Variants in RNF150 observed in about 807,000 individuals in gnomAD.
The protein encoded by RNF150 is ring finger protein 150.
In RNF150, 24 loss-of-function variants were observed where a neutral mutation model predicts 39.3. The observed-to-expected ratio is 0.61, with a 90% CI of 0.44 to 0.86. RNF150 has a LOEUF of 0.86. Ranked by LOEUF, RNF150 falls within the 40% of genes least tolerant of loss-of-function variation. The pLI, the probability that RNF150 is intolerant of heterozygous loss-of-function variation, is 0.00. For synonymous variants in RNF150, 255 were observed against 227.3 expected (o/e 1.12, Z -1.10); for missense variants, 502 against 587.8 (o/e 0.85, Z 1.51).
intron 2 of RNF150, among the ~76,000 whole-genome samples, chr4:140,951,944 AC>A (rs1732557123): frequency 6.6e-6 from 1 of 152,190 alleles, no homozygotes; most frequent in Admixed American, 6.5e-5. Flanking sequence ...TTGAAGACTA[AC>A]CAGAGTAATT....
Position 141,081,202 on chromosome 4 carries a change from AT to A in RNF150, c.484+51122del, listed in dbSNP as rs528785271. 6.6e-3 allele frequency among the ~76,000 whole-genome samples: 1,011 copies of A among 152,350 alleles called. 5 individuals carry two copies. The highest frequency in any genetic ancestry group is 0.012 in the Non-Finnish European group (787 of 68,038). ...TATTTTACAAAAAACCCTATCAGTCATTGAAATAAATGGCCTTTAGATGTTA... is the reference window on the plus strand; with the variant it reads ...TATTTTACAAAAAACCCTATCAGTCATGAAATAAATGGCCTTTAGATGTTA... On this transcript the variant is annotated intron_variant, in intron 1 of 6. Coordinates refer to ENST00000515673, the MANE Select transcript of RNF150 (RefSeq NM_020724.2).
intron 1 of RNF150, among the ~76,000 whole-genome samples, chr4:141,188,212 A>T (rs1316787379): frequency 1.3e-5 from 2 of 152,158 alleles, no homozygotes; most frequent in Non-Finnish European, 2.9e-5. Context: ...CTCCAGAGAG[A>T]TCTGCTGTGA....
intron 1 of RNF150, among the ~76,000 whole-genome samples, chr4:141,207,853 C>T (rs532880094): frequency 3.9e-5 from 6 of 152,238 alleles, no homozygotes; most frequent in South Asian, 2.1e-4. Context: ...CTTTTCTCAA[C>T]GTTTTACTTT....
chr4:141,188,526 C>A (rs917395613), intron 1 of RNF150, among the ~76,000 whole-genome samples: 2 of 152,192 alleles, frequency 1.3e-5, no homozygotes, highest in African/African-American at 2.4e-5. Flanking sequence ...TCCCATATTT[C>A]TTGGAGGCTT....
At chr4:141,016,148 T>A (rs977730360) in intron 1 of RNF150, among the ~76,000 whole-genome samples, 1 of 152,142 alleles carries the variant, frequency 6.6e-6, no homozygotes, top group Non-Finnish European at 1.5e-5. Flanking sequence ...ACTGCGTCCG[T>A]CCCTGACAAT....
chr4:140,901,693 T>G (rs1730192411), intron 6 of RNF150, among the ~76,000 whole-genome samples: 2 of 152,214 alleles, frequency 1.3e-5, no homozygotes, highest in South Asian at 4.1e-4. Context: ...TCCAAGCCTT[T>G]GAGGATCTAT....
intron 1 of RNF150, among the ~76,000 whole-genome samples, chr4:141,104,769 A>G (rs1037818896): frequency 7.9e-5 from 12 of 152,234 alleles, no homozygotes; most frequent in African/African-American, 2.9e-4. Flanking sequence ...CATTCAAAAC[A>G]TGAAGATTCT....
intron 1 of RNF150, among the ~76,000 whole-genome samples, chr4:141,098,029 T>C (rs1738865872): frequency 6.6e-6 from 1 of 152,278 alleles, no homozygotes; most frequent in Non-Finnish European, 1.5e-5. Flanking sequence ...GGAGGAATCA[T>C]ACACATATAA....
chr4:140,935,069 A>T (rs1357663742), intron 4 of RNF150, among the ~76,000 whole-genome samples: 4 of 73,660 alleles, frequency 5.4e-5, no homozygotes, highest in African/African-American at 3.0e-4. Context: ...TATATATATA[A>T]TATATATATA....
intron 5 of RNF150, among the ~76,000 whole-genome samples, chr4:140,921,004 A>C (rs970711012): frequency 1.9e-4 from 29 of 151,690 alleles, no homozygotes; most frequent in African/African-American, 7.0e-4. Flanking sequence ...ACATGGACAC[A>C]GGAAGGGGAA....
chr4:141,210,738 A>G (rs1255005861), intron 1 of RNF150, among the ~76,000 whole-genome samples: 2 of 151,854 alleles, frequency 1.3e-5, no homozygotes, highest in Non-Finnish European at 2.9e-5. Context: ...TTCCTACTTA[A>G]TATCAATTTT....
intron 1 of RNF150, among the ~76,000 whole-genome samples, chr4:141,053,959 TC>T (rs1736875590): frequency 6.6e-6 from 1 of 152,130 alleles, no homozygotes; most frequent in African/African-American, 2.4e-5. Context: ...ATACTTTTTT[TC>T]TTCACTCCTT....
intron 1 of RNF150, among the ~76,000 whole-genome samples, chr4:141,021,347 T>C (rs1186472062): frequency 2.6e-5 from 4 of 152,164 alleles, no homozygotes; most frequent in Admixed American, 1.3e-4. Flanking sequence ...TTGAGTTTGG[T>C]CAAGGAGAGA....
At chr4:140,927,465 AAAGT>A (rs1460278035) in intron 4 of RNF150, among the ~76,000 whole-genome samples, 1 of 151,926 alleles carries the variant, frequency 6.6e-6, no homozygotes, top group Non-Finnish European at 1.5e-5. Context: ...TGGTCATTTA[AAAGT>A]GTGTGGCACT....
At chr4:140,911,001 A>G in intron 6 of RNF150, 143 bp downstream of exon 6, 1 of 687,862 alleles carries the variant, frequency 1.5e-6, no homozygotes, top group Non-Finnish European at 2.4e-6. Context: ...CAGTTCTTCT[A>G]ACAGCTGGCA....
intron 5 of RNF150, among the ~76,000 whole-genome samples, chr4:140,921,151 G>C (rs1731114786): frequency 7.1e-6 from 1 of 139,960 alleles, no homozygotes; most frequent in Admixed American, 7.5e-5. Flanking sequence ...CGCACATTGT[G>C]CACATGTACC....
At chr4:140,884,527 T>C (rs1371644515) in intron 6 of RNF150, among the ~76,000 whole-genome samples, 2 of 152,198 alleles carry the variant, frequency 1.3e-5, no homozygotes, top group South Asian at 2.1e-4. Flanking sequence ...GGTTTTTGTA[T>C]GTAATCTAAT....
intron 1 of RNF150, among the ~76,000 whole-genome samples, chr4:141,048,759 T>C (rs12647349): frequency 0.034 from 5,138 of 152,018 alleles, 223 homozygotes; most frequent in East Asian, 0.23. Context: ...AAAAAACAAC[T>C]GTATGTGAGT....
At chr4:140,946,035 T>A (rs1382014910) in intron 4 of RNF150, among the ~76,000 whole-genome samples, 9 of 152,214 alleles carry the variant, frequency 5.9e-5, no homozygotes, top group Admixed American at 5.9e-4. Context: ...ACTAAGTGTA[T>A]GTAATAACTA....
Sources: allele counts gnomAD v4.1 joint callset (sites outside exome capture counted in the v4.1 genomes callset), GRCh38; gene constraint gnomAD v4.1.1; transcripts MANE v1.5; gene names NCBI Gene and HGNC (gene_info 2026-07-23, HGNC 2026-07-21).